GMDS: variants seen among roughly 807,000 people sequenced by gnomAD.
The protein encoded by GMDS is GDP-mannose 4,6 dehydratase.
In GMDS, 20 loss-of-function variants were observed where a neutral mutation model predicts 49.9. The observed-to-expected ratio is 0.40, with a 90% CI of 0.28 to 0.58. The LOEUF is 0.58. Among genes scored for constraint, GMDS ranks in the 20% least tolerant of loss-of-function variants. The pLI is 0.42. For missense variants in GMDS, 362 were observed against 481.4 expected, an observed-to-expected ratio of 0.75 and a Z score of 2.32; for synonymous variants, 177 against 178.6, an observed-to-expected ratio of 0.99 and a Z score of 0.07.
At chr6:2,055,307 A>G (rs1395899898) in intron 4 of GMDS, among the ~76,000 whole-genome samples, 2 of 152,100 alleles carry the variant, frequency 1.3e-5, no homozygotes, top group Non-Finnish European at 2.9e-5. Flanking sequence ...TATTTCCCTA[A>G]AAGGATATAA....
chr6:1,873,212 A>G (rs1758863297), intron 7 of GMDS, among the ~76,000 whole-genome samples: 1 of 152,246 alleles, frequency 6.6e-6, no homozygotes, highest in Admixed American at 6.5e-5. Context: ...TGCTTTGAAG[A>G]GAAAAGGGTT....
At chr6:1,998,931 G>C (rs1766466162) in intron 4 of GMDS, among the ~76,000 whole-genome samples, 1 of 151,880 alleles carries the variant, frequency 6.6e-6, no homozygotes, top group Non-Finnish European at 1.5e-5. Flanking sequence ...GATATTACTT[G>C]GGAAATACTT....
At chr6:1,992,027 G>A (rs1765976492) in intron 4 of GMDS, among the ~76,000 whole-genome samples, 1 of 152,210 alleles carries the variant, frequency 6.6e-6, no homozygotes, top group Non-Finnish European at 1.5e-5. Context: ...TGCTTCAAAG[G>A]GAGCACAGCC....
intron 1 of GMDS, among the ~76,000 whole-genome samples, chr6:2,214,549 T>G (rs1780228810): frequency 6.6e-6 from 1 of 152,230 alleles, no homozygotes; most frequent in Admixed American, 6.5e-5. Flanking sequence ...GCAGGTTACA[T>G]GCAAATATTA....
chr6:2,205,071 G>A (rs925517727), intron 1 of GMDS, among the ~76,000 whole-genome samples: 7 of 152,008 alleles, frequency 4.6e-5, no homozygotes, highest in Non-Finnish European at 8.8e-5. Flanking sequence ...ATTTGCTGTC[G>A]CTGGATATTG....
intron 6 of GMDS, among the ~76,000 whole-genome samples, chr6:1,958,226 C>CT (rs1211394493): frequency 4.7e-5 from 7 of 149,686 alleles, no homozygotes; most frequent in African/African-American, 1.5e-4. Context: ...TCAAATTTAT[C>CT]TTTTTTTACT....
intron 7 of GMDS, among the ~76,000 whole-genome samples, chr6:1,895,725 A>T (rs367946994): frequency 6.6e-6 from 1 of 152,240 alleles, no homozygotes; most frequent in Non-Finnish European, 1.5e-5. Context: ...ATGCCCTGTC[A>T]GTTTGAAACT....
intron 7 of GMDS, among the ~76,000 whole-genome samples, chr6:1,791,578 A>C (rs1474583094): frequency 6.6e-6 from 1 of 152,148 alleles, no homozygotes; most frequent in Non-Finnish European, 1.5e-5. Flanking sequence ...TCAACATATG[A>C]ATTTTGGGGA....
chr6:2,027,849 T>C (rs1768695573), intron 4 of GMDS, among the ~76,000 whole-genome samples: 1 of 152,014 alleles, frequency 6.6e-6, no homozygotes, highest in South Asian at 2.1e-4. Context: ...TAGAAGAAAA[T>C]GGAGGTTTTG....
chr6:1,895,836 C>T (rs1166731890), intron 7 of GMDS, among the ~76,000 whole-genome samples: 1 of 152,126 alleles, frequency 6.6e-6, no homozygotes, highest in African/African-American at 2.4e-5. Context: ...GAGACAGATC[C>T]AGAGCTGACC....
intron 9 of GMDS, among the ~76,000 whole-genome samples, chr6:1,636,221 A>G (rs1344912359): frequency 6.6e-6 from 1 of 152,204 alleles, no homozygotes; most frequent in Non-Finnish European, 1.5e-5. Context: ...TAAACACAGG[A>G]AAGAGGGACA....
In GMDS at chr6:1,624,075, G is replaced by C. The variant is rs911372446; in HGVS notation, c.*94C>G. ...CAGCAGGGGCCGCAGGGGACCCGCAGATTGGCACGCCGCTCCCCATCCCCG... is the reference window on the plus strand; with the variant it reads ...CAGCAGGGGCCGCAGGGGACCCGCACATTGGCACGCCGCTCCCCATCCCCG... On this transcript the variant is annotated 3_prime_UTR_variant, in exon 11 of 11. Transcript: ENST00000380815. The C allele has an allele frequency of 1.1e-4, 127 of 1,163,606 alleles. No homozygotes were observed. The highest frequency in any genetic ancestry group is 1.5e-4 in the Non-Finnish European group (118 of 802,894). The allele number at this position is 1,163,606 out of a possible 1,614,324, so 72.1% of individuals were successfully genotyped here. A position where few individuals can be genotyped will look rare whatever the true frequency, so the allele number is the denominator to read the frequency against.
rs1763292100 is a variant in GMDS at position 1,640,347 on chromosome 6, T to C, written c.988-15807A>G. Among the ~76,000 whole-genome samples the C allele has an allele frequency of 6.6e-6, 1 of 152,216 alleles. No individual in the cohort carries two copies. The highest frequency in any genetic ancestry group is 2.1e-4 in the South Asian group (1 of 4,832). Reference sequence around the variant, plus strand: ...TAGGTTGACACTAGATTCACCACGTTTGAGGTGGCTTGGTGTCCTCATCCT... The same window carrying C: ...TAGGTTGACACTAGATTCACCACGTCTGAGGTGGCTTGGTGTCCTCATCCT... On this transcript the variant is annotated intron_variant, in intron 9 of 10. Transcript: ENST00000380815. The surrounding 1 kb of genome is among the most constrained non-coding windows in gnomAD (Gnocchi z 4.0).
chr6:1,912,474 T>C (rs978000345), intron 7 of GMDS, among the ~76,000 whole-genome samples: 1 of 152,174 alleles, frequency 6.6e-6, no homozygotes, highest in Non-Finnish European at 1.5e-5. Flanking sequence ...TGCATTACCT[T>C]ACACAGTAAA....
At chr6:2,224,177 C>T (rs961210219) in intron 1 of GMDS, among the ~76,000 whole-genome samples, 1 of 152,128 alleles carries the variant, frequency 6.6e-6, no homozygotes, top group Non-Finnish European at 1.5e-5. Flanking sequence ...GTTGAACAGT[C>T]CTTAAGAGAT....
intron 7 of GMDS, among the ~76,000 whole-genome samples, chr6:1,867,972 T>C (rs1758520780): frequency 6.6e-6 from 1 of 151,748 alleles, no homozygotes. Flanking sequence ...AAATGCTGAC[T>C]TTCCTTCTCA....
chr6:2,124,907 A>G (rs917259635), intron 1 of GMDS, among the ~76,000 whole-genome samples, 176 bp from the exon 2 acceptor site: 1 of 152,246 alleles, frequency 6.6e-6, no homozygotes, highest in Non-Finnish European at 1.5e-5. Flanking sequence ...TCCACTATAC[A>G]CAAAGCATTT....
At chr6:2,068,677 G>C (rs1257512726) in intron 4 of GMDS, among the ~76,000 whole-genome samples, 1 of 152,094 alleles carries the variant, frequency 6.6e-6, no homozygotes, top group Non-Finnish European at 1.5e-5. Context: ...TTGCTTCAAA[G>C]AGAATAAAAT....
chr6:2,104,921 G>C (rs539947378), intron 4 of GMDS, among the ~76,000 whole-genome samples: 2 of 151,918 alleles, frequency 1.3e-5, no homozygotes, highest in East Asian at 3.9e-4. Context: ...GGTGGCTCAC[G>C]CCTATAATCC....
Sources: allele counts gnomAD v4.1 joint callset (sites outside exome capture counted in the v4.1 genomes callset), GRCh38; gene constraint gnomAD v4.1.1; non-coding constraint Gnocchi (gnomAD v3.1); transcripts MANE v1.5; gene names NCBI Gene and HGNC (gene_info 2026-07-23, HGNC 2026-07-21).